Variants in NEK11 observed in about 807,000 individuals in gnomAD.
NEK11 encodes serine/threonine-protein kinase Nek11.
Under a neutral mutation model 80.7 loss-of-function variants are expected in NEK11, and 72 were observed. The observed-to-expected ratio is 0.89, with a 90% CI of 0.74 to 1.08. NEK11 has a LOEUF of 1.08. NEK11 is among the 50% of genes least tolerant of loss of function. The pLI is 0.00. For synonymous variants in NEK11, 251 were observed against 260.7 expected (o/e 0.96, Z 0.36); for missense variants, 764 against 763.6 (o/e 1.00, Z -0.01).
intron 17 of NEK11, among the ~76,000 whole-genome samples, chr3:131,341,610 T>C (rs536187847): frequency 6.6e-6 from 1 of 152,338 alleles, no homozygotes; most frequent in South Asian, 2.1e-4. Context: ...TATATTAAAA[T>C]CCAGCATTGT....
At chr3:131,315,493 G>GTT (rs1049756049) in intron 17 of NEK11, among the ~76,000 whole-genome samples, 10 of 150,812 alleles carry the variant, frequency 6.6e-5, no homozygotes, top group African/African-American at 2.4e-4. Flanking sequence ...GTGTGTGTGT[G>GTT]TGTATTCATC....
chr3:131,208,395 C>T (rs993692133), intron 14 of NEK11, among the ~76,000 whole-genome samples: 5 of 152,174 alleles, frequency 3.3e-5, no homozygotes, highest in Non-Finnish European at 7.4e-5. Context: ...AATCTGGTAG[C>T]ATGATGCCTC....
intron 10 of NEK11, among the ~76,000 whole-genome samples, chr3:131,157,854 C>T (rs1299204341): frequency 6.6e-6 from 1 of 152,048 alleles, no homozygotes; most frequent in Non-Finnish European, 1.5e-5. Flanking sequence ...TGGAGGACAC[C>T]CCTTGACTAC....
chr3:131,103,021 T>G (rs975321968), intron 4 of NEK11, among the ~76,000 whole-genome samples: 8 of 152,196 alleles, frequency 5.3e-5, no homozygotes, highest in Non-Finnish European at 1.2e-4. Flanking sequence ...AGAAGCTCAA[T>G]TTGGTTCTTT....
At chr3:131,337,471 G>A (rs979983972) in intron 17 of NEK11, among the ~76,000 whole-genome samples, 1 of 151,742 alleles carries the variant, frequency 6.6e-6, no homozygotes, top group Non-Finnish European at 1.5e-5. Context: ...GTTGTGGGGT[G>A]GGGGGAGTGG....
intron 17 of NEK11, among the ~76,000 whole-genome samples, chr3:131,278,468 G>A (rs923628430): frequency 1.3e-5 from 2 of 152,208 alleles, no homozygotes; most frequent in Non-Finnish European, 2.9e-5. Flanking sequence ...TGAACGGGTG[G>A]ATAAGTGGGC....
intron 7 of NEK11, among the ~76,000 whole-genome samples, chr3:131,149,127 T>A (rs1449418081): frequency 6.6e-6 from 1 of 152,024 alleles, no homozygotes; most frequent in Non-Finnish European, 1.5e-5. Flanking sequence ...TATTTTTGAG[T>A]TCCTCAACCT....
intron 7 of NEK11, among the ~76,000 whole-genome samples, chr3:131,140,076 CT>C (rs1371831701): frequency 6.6e-6 from 1 of 152,114 alleles, no homozygotes; most frequent in African/African-American, 2.4e-5. Flanking sequence ...CTCACATGTT[CT>C]TTTTATAATG....
intron 16 of NEK11, among the ~76,000 whole-genome samples, chr3:131,263,571 G>A (rs1432100109): frequency 2.0e-5 from 3 of 151,814 alleles, no homozygotes; most frequent in Admixed American, 6.6e-5. Flanking sequence ...TTGATTTTCT[G>A]TCCTTGCAAT....
intron 14 of NEK11, chr3:131,184,713 C>A: frequency 8.2e-7 from 1 of 1,214,630 alleles, no homozygotes; most frequent in East Asian, 3.1e-5. Flanking sequence ...AGACTGTAAT[C>A]TAATTTCACT....
chr3:131,040,221 G>A (rs943474875), intron 3 of NEK11, among the ~76,000 whole-genome samples: 1 of 151,794 alleles, frequency 6.6e-6, no homozygotes, highest in Non-Finnish European at 1.5e-5. Flanking sequence ...ACTCACGAAT[G>A]AATAATTATG....
chr3:131,182,380 T>G (rs750107524), intron 14 of NEK11, among the ~76,000 whole-genome samples: 1 of 152,208 alleles, frequency 6.6e-6, no homozygotes, highest in Non-Finnish European at 1.5e-5. Context: ...TTCTCTCCTT[T>G]ATCGTCAATT....
At position 131,140,901 on chromosome 3, in the gene NEK11, C is replaced by A. The variant is rs573431223; in HGVS notation, c.647+6945C>A. Among the ~76,000 whole-genome samples the A allele has an allele frequency of 2.0e-5, 3 of 152,212 alleles. No homozygotes were observed. In the East Asian group the frequency reaches 5.8e-4, roughly 29 times the overall value. ...CCTCAACGTCACCCCTAGCACTGGACCATCTGACTCCAGCCTTATCTTTCT... is the reference window on the plus strand; with the variant it reads ...CCTCAACGTCACCCCTAGCACTGGAACATCTGACTCCAGCCTTATCTTTCT... On this transcript the variant is annotated intron_variant, in intron 7 of 17. Transcript: ENST00000383366.
chr3:131,190,249 A>G (rs2064306676), intron 14 of NEK11, among the ~76,000 whole-genome samples: 1 of 152,218 alleles, frequency 6.6e-6, no homozygotes, highest in Non-Finnish European at 1.5e-5. Context: ...CTGTGCACTG[A>G]GGATTCAGGA....
intron 5 of NEK11, among the ~76,000 whole-genome samples, chr3:131,112,792 A>T (rs1210639573): frequency 2.0e-5 from 3 of 152,144 alleles, no homozygotes; most frequent in Non-Finnish European, 2.9e-5. Context: ...AAAACATGGA[A>T]CTTTTAGAGA....
chr3:131,174,411 T>G (rs2092887863), intron 14 of NEK11, among the ~76,000 whole-genome samples: 1 of 152,238 alleles, frequency 6.6e-6, no homozygotes, highest in South Asian at 2.1e-4. Context: ...TTATTTGGCA[T>G]GTATATGTAA....
intron 7 of NEK11, among the ~76,000 whole-genome samples, chr3:131,145,601 C>G (rs948220162): frequency 2.0e-5 from 3 of 151,978 alleles, no homozygotes; most frequent in African/African-American, 7.2e-5. Flanking sequence ...GGAAATCAGC[C>G]CCTGCTTAAA....
At chr3:131,206,439 G>T (rs981854464) in intron 14 of NEK11, among the ~76,000 whole-genome samples, 3 of 152,024 alleles carry the variant, frequency 2.0e-5, no homozygotes, top group African/African-American at 7.2e-5. Context: ...CAAATACCTT[G>T]GTCCTAAGCC....
At chr3:131,192,155 A>G (rs1312223618) in intron 14 of NEK11, among the ~76,000 whole-genome samples, 1 of 152,214 alleles carries the variant, frequency 6.6e-6, no homozygotes, top group Non-Finnish European at 1.5e-5. Flanking sequence ...TCCAAAGAAG[A>G]TATACAGATG....
Sources: allele counts gnomAD v4.1 joint callset (sites outside exome capture counted in the v4.1 genomes callset), GRCh38; gene constraint gnomAD v4.1.1; transcripts MANE v1.5; gene names NCBI Gene and HGNC (gene_info 2026-07-23, HGNC 2026-07-21).